The following TENT2 variants were observed in gnomAD, a reference collection of about 807,000 sequenced individuals.
TENT2 encodes terminal nucleotidyltransferase 2.
Under a neutral mutation model 72.2 loss-of-function variants are expected in TENT2, and 44 were observed. The observed-to-expected ratio is 0.61, with a 90% CI of 0.48 to 0.78. The LOEUF (loss-of-function observed/expected upper bound fraction) is 0.78. Among genes scored for constraint, TENT2 ranks in the 30% least tolerant of loss-of-function variants. The probability of loss-of-function intolerance (pLI) is 0.00; values close to 1 mark genes in which losing one functional copy is unlikely to be tolerated. For missense variants in TENT2, 541 were observed against 569.6 expected (o/e 0.95, Z 0.51); for synonymous variants, 212 against 192.5 (o/e 1.10, Z -0.84).
chr5:79,680,321 A>T (rs1820700850), intron 13 of TENT2, among the ~76,000 whole-genome samples: 1 of 152,202 alleles, frequency 6.6e-6, no homozygotes, highest in Non-Finnish European at 1.5e-5. Flanking sequence ...GTTTGTGAAT[A>T]TGAAATTAAA....
At chr5:79,662,729 G>A (rs1804049417) in intron 11 of TENT2, among the ~76,000 whole-genome samples, 1 of 152,158 alleles carries the variant, frequency 6.6e-6, no homozygotes, top group Non-Finnish European at 1.5e-5. Context: ...CACTGGCGGA[G>A]TAAATTTAGC....
chr5:79,668,095 G>T (rs190153469), intron 11 of TENT2, among the ~76,000 whole-genome samples: 1 of 151,908 alleles, frequency 6.6e-6, no homozygotes, highest in Admixed American at 6.6e-5. Flanking sequence ...TAGTATATTC[G>T]AGAGCCAGAA....
Position 79,682,001 on chromosome 5 carries a change from T to C in TENT2, c.1320T>C (p.Asn440=), listed in dbSNP as rs142631638. 209 of 1,613,150 alleles carry C rather than the reference T, an allele frequency of 1.3e-4. No homozygotes were observed. Among genetic ancestry groups the C allele is most frequent in the Admixed American group, 1.0e-3 (60 of 59,878 alleles). ...ICVEEPFDGT[N]TARAVHEKQK... The stretch of plus-strand genomic sequence containing the variant: ...TTGCAGAACCTTTTGATGGAACAAA[T>C]ACAGCCAGAGCAGTGCACGAAAAGC... Residue 440 remains asparagine (N), a synonymous_variant, in exon 14 of 15, where the codon AAT becomes AAC. Coordinates refer to ENST00000453514, the MANE Select transcript of TENT2 (RefSeq NM_001114394.3).
At chr5:79,632,358 TAAC>T (rs1001049436) in intron 4 of TENT2, among the ~76,000 whole-genome samples, 6 of 152,188 alleles carry the variant, frequency 3.9e-5, no homozygotes, top group Middle Eastern at 3.2e-3. Flanking sequence ...GTTACTGTGT[TAAC>T]AACTCTTTAA....
intron 12 of TENT2, among the ~76,000 whole-genome samples, chr5:79,671,187 T>C (rs192821925): frequency 6.6e-6 from 1 of 152,276 alleles, no homozygotes; most frequent in East Asian, 1.9e-4. Flanking sequence ...GGTCAGATGA[T>C]ACTGATGCTT....
chr5:79,666,735 T>G (rs1436998814), intron 11 of TENT2, among the ~76,000 whole-genome samples: 1 of 152,198 alleles, frequency 6.6e-6, no homozygotes, highest in Non-Finnish European at 1.5e-5. Context: ...TCACTTAAGA[T>G]TTTGAAAAAC....
intron 12 of TENT2, among the ~76,000 whole-genome samples, chr5:79,671,748 G>C (rs932847807): frequency 6.6e-6 from 1 of 152,070 alleles, no homozygotes; most frequent in Non-Finnish European, 1.5e-5. Context: ...TTAAGTGACT[G>C]TTAAGGGATG....
chr5:79,634,490 C>T (rs1020206809), intron 4 of TENT2, among the ~76,000 whole-genome samples: 1 of 152,020 alleles, frequency 6.6e-6, no homozygotes, highest in Non-Finnish European at 1.5e-5. Context: ...GCACCTGTCA[C>T]CATGACTGGC....
chr5:79,623,144 G>T (rs932287120), intron 3 of TENT2, 108 bp from the exon 4 acceptor site: 30 of 746,930 alleles, frequency 4.0e-5, no homozygotes, highest in Non-Finnish European at 5.5e-5. Context: ...CTTATTGAAA[G>T]AATCATATTG....
At chr5:79,673,125 G>A (rs943999287) in intron 12 of TENT2, among the ~76,000 whole-genome samples, 5 of 152,122 alleles carry the variant, frequency 3.3e-5, no homozygotes, top group African/African-American at 4.8e-5. Flanking sequence ...TCTTCTGTCC[G>A]TGTTTTAATT....
chr5:79,616,638 G>A (rs1233959738), intron 1 of TENT2, among the ~76,000 whole-genome samples: 1 of 149,804 alleles, frequency 6.7e-6, no homozygotes, highest in Admixed American at 6.7e-5. Context: ...TTTTGCTAGG[G>A]GATTCCCTGG....
At chr5:79,631,639 T>G (rs1243325110) in intron 4 of TENT2, among the ~76,000 whole-genome samples, 1 of 152,212 alleles carries the variant, frequency 6.6e-6, no homozygotes, top group Non-Finnish European at 1.5e-5. Context: ...TTGGGACATT[T>G]GGCAGTGAAA....
chr5:79,659,531 CAA>C (rs1291285987), intron 11 of TENT2, among the ~76,000 whole-genome samples: 50 of 8,960 alleles, frequency 5.6e-3, no homozygotes, highest in African/African-American at 0.017. Context: ...GACTCTGTCT[CAA>C]AAAAAAAAAA....
intron 4 of TENT2, among the ~76,000 whole-genome samples, chr5:79,625,791 A>C (rs778449069): frequency 6.6e-6 from 1 of 151,950 alleles, no homozygotes; most frequent in Non-Finnish European, 1.5e-5. Flanking sequence ...GAAAAAGGCA[A>C]AGGAAACTGA....
intron 11 of TENT2, among the ~76,000 whole-genome samples, chr5:79,658,876 A>G (rs1799885782): frequency 6.6e-6 from 1 of 152,048 alleles, no homozygotes; most frequent in African/African-American, 2.4e-5. Flanking sequence ...TTCTCCCATG[A>G]CAGAGTCCTG....
At chr5:79,640,306 T>C (rs62365182) in intron 4 of TENT2, among the ~76,000 whole-genome samples, 30,497 of 150,356 alleles carry the variant, frequency 0.2, 4,571 homozygotes, top group African/African-American at 0.42. Flanking sequence ...AGTTAGGGTT[T>C]AGGGCATTGT....
intron 4 of TENT2, among the ~76,000 whole-genome samples, chr5:79,624,869 CTG>C (rs1412204412): frequency 6.6e-6 from 1 of 152,124 alleles, no homozygotes; most frequent in Non-Finnish European, 1.5e-5. Flanking sequence ...CTATAAATAT[CTG>C]TGTACAGATT....
intron 10 of TENT2, among the ~76,000 whole-genome samples, chr5:79,651,647 G>A (rs1269894980): frequency 6.6e-6 from 1 of 151,898 alleles, no homozygotes; most frequent in Non-Finnish European, 1.5e-5. Flanking sequence ...TTCCTCTATG[G>A]TGGAGAATTT....
At chr5:79,665,554 T>A (rs1806859174) in intron 11 of TENT2, among the ~76,000 whole-genome samples, 2 of 152,120 alleles carry the variant, frequency 1.3e-5, no homozygotes, top group Non-Finnish European at 2.9e-5. Context: ...TCTATTTAAT[T>A]TTTTTTAACT....
Sources: gnomAD v4.1 joint callset for allele counts (sites outside exome capture counted in the v4.1 genomes callset) on GRCh38, gnomAD v4.1.1 for gene constraint, MANE v1.5 for transcripts, NCBI Gene and HGNC (gene_info 2026-07-23, HGNC 2026-07-21) for gene names.